KIRREL3: variants seen among roughly 807,000 people sequenced by gnomAD.
KIRREL3 encodes kin of IRRE-like protein 3.
A neutral mutation model predicts 89.7 loss-of-function variants in KIRREL3; 36 were observed. The ratio of observed to expected loss-of-function variants is 0.40; its 90% CI spans 0.31 to 0.53. The LOEUF is 0.53. Ranked by LOEUF, KIRREL3 falls within the 20% of genes least tolerant of loss-of-function variation. KIRREL3 has a pLI of 0.49. For synonymous variants in KIRREL3, 445 were observed against 441.4 expected, an observed-to-expected ratio of 1.01 and a Z score of -0.10; for missense variants, 864 against 1,056.6, an observed-to-expected ratio of 0.82 and a Z score of 2.53.
rs996951422 is a variant in KIRREL3 at position 126,477,767 on chromosome 11, G to C, written c.434-4301C>G. Among the ~76,000 whole-genome samples, 31 of 152,128 alleles carry C rather than the reference G, an allele frequency of 2.0e-4. No homozygotes were observed. Among genetic ancestry groups the C allele is most frequent in the Non-Finnish European group, 1.5e-5 (1 of 68,014 alleles). ...CTGGCTGGGCTTCCAGGAATTCCTC[G>C]ATGCTCCATCAGCCTGGGATGGTTG... On this transcript the variant is annotated intron_variant, in intron 4 of 16. Coordinates refer to ENST00000525144, the MANE Select transcript of KIRREL3 (RefSeq NM_032531.4). The surrounding 1 kb of genome is among the most constrained non-coding windows in gnomAD (Gnocchi z 4.8).
chr11:126,542,743 T>C (rs112574619), intron 2 of KIRREL3, among the ~76,000 whole-genome samples: 5,568 of 152,100 alleles, frequency 0.037, 321 homozygotes, highest in African/African-American at 0.12. Flanking sequence ...CAAATAAGAG[T>C]AAAATAAGAA....
intron 1 of KIRREL3, among the ~76,000 whole-genome samples, chr11:126,800,679 T>TCAG (rs1205899685): frequency 6.6e-6 from 1 of 152,134 alleles, no homozygotes; most frequent in Non-Finnish European, 1.5e-5. Context: ...AGGCACCCTT[T>TCAG]CAGCTGCATT....
rs913408731 is a variant in KIRREL3 at position 126,664,346 on chromosome 11, CAGGGCAAGAGTA to C, written c.56-101446_56-101435del. On this transcript the variant is annotated intron_variant, in intron 1 of 16. Transcript: ENST00000525144. This position sits in a 1 kb window ranked among gnomAD's most constrained non-coding sequence, Gnocchi z 5.4. ...ACCTATCCTTGTCCTATGTGACAGG[CAGGGCAAGAGTA>C]AGAGAGCAGGCACGCAGAGGCAGAG... Among the ~76,000 whole-genome samples, 19 of 151,950 alleles carry C rather than the reference CAGGGCAAGAGTA, an allele frequency of 1.3e-4. No homozygotes were observed. The highest frequency in any genetic ancestry group is 2.1e-4 in the Non-Finnish European group (14 of 68,006).
At position 126,723,543 on chromosome 11, in the gene KIRREL3, T is replaced by C. The variant is rs1265037422; in HGVS notation, c.56-160631A>G. ...ACCTCCCTTAGTAGGCAAGAAAGCA[T>C]TTCCTAAACCCTTCTCCTCTATGCT... On this transcript the variant is annotated intron_variant, in intron 1 of 16. Coordinates refer to ENST00000525144, the MANE Select transcript of KIRREL3 (RefSeq NM_032531.4). The surrounding 1 kb of genome is among the most constrained non-coding windows in gnomAD (Gnocchi z 4.0). Among the ~76,000 whole-genome samples the C allele has an allele frequency of 6.6e-6, 1 of 152,220 alleles. No homozygotes were observed. Among genetic ancestry groups the C allele is most frequent in the Non-Finnish European group, 1.5e-5 (1 of 68,032 alleles).
chr11:126,975,547 A>T (rs1949542065), intron 1 of KIRREL3, among the ~76,000 whole-genome samples: 1 of 152,140 alleles, frequency 6.6e-6, no homozygotes, highest in African/African-American at 2.4e-5. Context: ...AGATTTGTTG[A>T]TTAGAATTCT....
rs561627790 is a variant in KIRREL3 at position 126,434,528 on chromosome 11, G to A, written c.1588+740C>T. ...ATGAGGATCCCACGTGGAGCTTGTTGAGGAGGTAACAGAGGCCAGGGGCCA... is the reference window on the plus strand; with the variant it reads ...ATGAGGATCCCACGTGGAGCTTGTTAAGGAGGTAACAGAGGCCAGGGGCCA... On this transcript the variant is annotated intron_variant, in intron 13 of 16. Transcript: ENST00000525144. Among the ~76,000 whole-genome samples the A allele has an allele frequency of 2.0e-4, 30 of 152,372 alleles. No homozygotes were observed. The East Asian group carries it at 5.4e-3, about 27-fold the overall frequency.
chr11:126,775,159 T>G (rs911685065), intron 1 of KIRREL3, among the ~76,000 whole-genome samples: 2 of 152,176 alleles, frequency 1.3e-5, no homozygotes, highest in African/African-American at 4.8e-5. Flanking sequence ...CTTCATTGCC[T>G]TTCACCTCCC....
chr11:126,625,463 C>T (rs1289005627), intron 1 of KIRREL3, among the ~76,000 whole-genome samples: 1 of 152,188 alleles, frequency 6.6e-6, no homozygotes, highest in African/African-American at 2.4e-5. Context: ...ACTGCCCAAT[C>T]TTTCCTACAC....
At chr11:126,801,935 T>TA (rs35751571) in intron 1 of KIRREL3, among the ~76,000 whole-genome samples, 34,123 of 151,180 alleles carry the variant, frequency 0.23, 4,465 homozygotes, top group East Asian at 0.46. Flanking sequence ...CGCTGTCTCT[T>TA]AAAAAAAAAT....
intron 2 of KIRREL3, among the ~76,000 whole-genome samples, chr11:126,529,363 C>G (rs1294423620): frequency 1.3e-5 from 2 of 152,140 alleles, no homozygotes; most frequent in Admixed American, 6.5e-5. Context: ...TGGCCACAGA[C>G]CCTTTTGGTG....
rs35677336 is a variant in KIRREL3 at position 126,876,293 on chromosome 11, C to T, written c.55+124162G>A. Reference sequence around the variant, plus strand: ...GAAGAAACAGATCTGCTGGAGGCAACGATCTCTAGACTCAGTTTCTCAGCC... The same window carrying T: ...GAAGAAACAGATCTGCTGGAGGCAATGATCTCTAGACTCAGTTTCTCAGCC... On this transcript the variant is annotated intron_variant, in intron 1 of 16. Coordinates refer to ENST00000525144, the MANE Select transcript of KIRREL3 (RefSeq NM_032531.4). The surrounding 1 kb of genome is among the most constrained non-coding windows in gnomAD (Gnocchi z 4.1). Among the ~76,000 whole-genome samples the T allele has an allele frequency of 0.23, 34,970 of 152,120 alleles. 4,803 individuals carry two copies. Among genetic ancestry groups the T allele is most frequent in the Non-Finnish European group, 0.31 (21,014 of 67,972 alleles).
At position 126,766,184 on chromosome 11, in the gene KIRREL3, C is replaced by A. The variant is rs1325710203; in HGVS notation, c.56-203272G>T. Among the ~76,000 whole-genome samples the A allele has an allele frequency of 6.6e-6, 1 of 151,906 alleles. No homozygotes were observed. Among genetic ancestry groups the A allele is most frequent in the Non-Finnish European group, 1.5e-5 (1 of 67,998 alleles). On this transcript the variant is annotated intron_variant, in intron 1 of 16. Transcript: ENST00000525144. The surrounding 1 kb of genome is among the most constrained non-coding windows in gnomAD (Gnocchi z 4.2). ...ATGCCCACACTAACTGGAGTCTCTA[C>A]CTCTCTCCTCCTCCCCTCTCTTCTC...
chr11:126,922,121 GTCTATCTA>G (rs60938174), intron 1 of KIRREL3, among the ~76,000 whole-genome samples: 11,507 of 139,912 alleles, frequency 0.082, 544 homozygotes, highest in Middle Eastern at 0.13. Flanking sequence ...CTATCTGTCT[GTCTATCTA>G]TCTATCTATC....
intron 1 of KIRREL3, among the ~76,000 whole-genome samples, chr11:126,915,473 T>C (rs780456561): frequency 5.9e-5 from 9 of 152,200 alleles, no homozygotes; most frequent in Non-Finnish European, 1.3e-4. Context: ...TGTATCCTCA[T>C]CGGGCCCAGA....
rs565183885 is a variant in KIRREL3 at position 126,491,522 on chromosome 11, C to G, written c.434-18056G>C. ...CTCCAGTGTTGTCTGTCCCCCGAGTCGAGGTCTGGGGCAGGTAAGGAGGCC... is the reference window on the plus strand; with the variant it reads ...CTCCAGTGTTGTCTGTCCCCCGAGTGGAGGTCTGGGGCAGGTAAGGAGGCC... On this transcript the variant is annotated intron_variant, in intron 4 of 16. Coordinates refer to ENST00000525144, the MANE Select transcript of KIRREL3 (RefSeq NM_032531.4). This position sits in a 1 kb window ranked among gnomAD's most constrained non-coding sequence, Gnocchi z 5.5. Among the ~76,000 whole-genome samples, 1 of 151,994 alleles carries G rather than the reference C, an allele frequency of 6.6e-6. No individual in the cohort carries two copies. Among genetic ancestry groups the G allele is most frequent in the Non-Finnish European group, 1.5e-5 (1 of 68,002 alleles).
At chr11:126,799,573 C>A (rs879749648) in intron 1 of KIRREL3, among the ~76,000 whole-genome samples, 2 of 55,236 alleles carry the variant, frequency 3.6e-5, no homozygotes, top group Non-Finnish European at 7.8e-5. Flanking sequence ...GAAGGTGAGA[C>A]TCCTAGGAAC....
chr11:126,661,461 C>G (rs1460378755), intron 1 of KIRREL3, among the ~76,000 whole-genome samples: 1 of 152,196 alleles, frequency 6.6e-6, no homozygotes, highest in Non-Finnish European at 1.5e-5. Flanking sequence ...GCACATTACT[C>G]AAGAAGGTCA....
chr11:126,821,660 G>C (rs1171206594), intron 1 of KIRREL3, among the ~76,000 whole-genome samples: 1 of 152,010 alleles, frequency 6.6e-6, no homozygotes, highest in Non-Finnish European at 1.5e-5. Flanking sequence ...AGATGAAATT[G>C]AGGTTGCTAA....
chr11:126,735,539 A>G (rs1256515799), intron 1 of KIRREL3, among the ~76,000 whole-genome samples: 2 of 152,220 alleles, frequency 1.3e-5, no homozygotes, highest in Admixed American at 6.5e-5. Context: ...AGCCCAGACC[A>G]GGGATATGAT....
Sources: gnomAD v4.1 joint callset for allele counts (sites outside exome capture counted in the v4.1 genomes callset) on GRCh38, gnomAD v4.1.1 for gene constraint, Gnocchi (gnomAD v3.1) non-coding constraint, MANE v1.5 for transcripts, NCBI Gene and HGNC (gene_info 2026-07-23, HGNC 2026-07-21) for gene names.